Variants in OLFM2 observed in about 807,000 individuals in gnomAD.
The protein encoded by OLFM2 is olfactomedin 2.
OLFM2 carries 20 observed loss-of-function variants against 43.9 expected under a neutral mutation model. That is an observed-to-expected ratio of 0.46 (90% CI 0.32 to 0.66). The LOEUF (loss-of-function observed/expected upper bound fraction) is 0.66. OLFM2 is among the 30% of genes least tolerant of loss of function. OLFM2 has a pLI of 0.04. For missense variants in OLFM2, 416 were observed against 643.6 expected, an observed-to-expected ratio of 0.65 and a Z score of 3.83; for synonymous variants, 268 against 278.6, an observed-to-expected ratio of 0.96 and a Z score of 0.38.
At chr19:9,874,612 C>G (rs2046470508) in intron 1 of OLFM2, among the ~76,000 whole-genome samples, 2 of 152,130 alleles carry the variant, frequency 1.3e-5, no homozygotes, top group Admixed American at 6.6e-5. Context: ...TCCCAAGTAG[C>G]TGGGACTACA....
intron 1 of OLFM2, among the ~76,000 whole-genome samples, chr19:9,884,276 TAAA>T (rs4044581): frequency 0.065 from 8,475 of 130,882 alleles, 754 homozygotes; most frequent in African/African-American, 0.21. Flanking sequence ...TCTCAAAAAT[TAAA>T]AAAAAAAAAA....
rs115018567 is a variant in OLFM2 at position 9,870,198 on chromosome 19, G to T, written c.64-9404C>A. ...CCCATCTCAGCCTCCCAAAGTACTG[G>T]GATTACTGGCCTGAGTCATCACACG... On this transcript the variant is annotated intron_variant, in intron 1 of 5. Coordinates refer to ENST00000264833, the MANE Select transcript of OLFM2 (RefSeq NM_058164.4). Among the ~76,000 whole-genome samples, 634 of 152,178 alleles carry T rather than the reference G, an allele frequency of 4.2e-3. 4 individuals carry two copies. The highest frequency in any genetic ancestry group is 0.014 in the African/African-American group (585 of 41,532).
intron 1 of OLFM2, among the ~76,000 whole-genome samples, chr19:9,925,178 G>C (rs2086445385): frequency 6.6e-6 from 1 of 152,026 alleles, no homozygotes; most frequent in Non-Finnish European, 1.5e-5. Flanking sequence ...AATGGCTTGA[G>C]TCCGGAAGGC....
At chr19:9,915,277 A>G (rs1376184163) in intron 1 of OLFM2, among the ~76,000 whole-genome samples, 1 of 133,340 alleles carries the variant, frequency 7.5e-6, no homozygotes, top group Admixed American at 7.7e-5. Context: ...GCATCTCGCT[A>G]TGTTGCCCAG....
In OLFM2 at chr19:9,857,956, C is replaced by T; in HGVS notation, c.214-95G>A. ...AGAGCTGGCAGGAACAGAGGCTGTA[C>T]AAACACCACACCGACGAGGCCACCT... On this transcript the variant is annotated intron_variant, in intron 2 of 5. Transcript: ENST00000264833. The surrounding 1 kb of genome is among the most constrained non-coding windows in gnomAD (Gnocchi z 5.7). 1 of 1,514,266 alleles carries T rather than the reference C, an allele frequency of 6.6e-7. No individual in the cohort carries two copies. The highest frequency in any genetic ancestry group is 9.1e-7 in the Non-Finnish European group (1 of 1,097,226). The allele number at this position is 1,514,266 out of a possible 1,614,324, so 93.8% of individuals were successfully genotyped here.
At chr19:9,864,440 A>G (rs973367800) in intron 1 of OLFM2, among the ~76,000 whole-genome samples, 12 of 152,036 alleles carry the variant, frequency 7.9e-5, no homozygotes, top group African/African-American at 2.9e-4. Flanking sequence ...AGCTAGGATT[A>G]CAATCACCCA....
intron 2 of OLFM2, among the ~76,000 whole-genome samples, chr19:9,858,598 C>T (rs1435341920): frequency 2.0e-5 from 3 of 152,198 alleles, no homozygotes; most frequent in Non-Finnish European, 4.4e-5. Flanking sequence ...GGAGTAGAGG[C>T]CCAATAAGTA....
intron 1 of OLFM2, among the ~76,000 whole-genome samples, chr19:9,893,466 A>G (rs1276421899): frequency 1.3e-5 from 2 of 152,098 alleles, no homozygotes; most frequent in Non-Finnish European, 2.9e-5. Context: ...CACCCGGCCA[A>G]TCATGGAGCA....
chr19:9,921,904 G>C (rs2086424048), intron 1 of OLFM2, among the ~76,000 whole-genome samples: 1 of 152,058 alleles, frequency 6.6e-6, no homozygotes, highest in Non-Finnish European at 1.5e-5. Context: ...GACCAGCCTG[G>C]GCAACACGGT....
intron 1 of OLFM2, among the ~76,000 whole-genome samples, chr19:9,906,263 C>T (rs955471664): frequency 6.6e-6 from 1 of 152,088 alleles, no homozygotes; most frequent in Non-Finnish European, 1.5e-5. Flanking sequence ...GCCATCCACT[C>T]ATTGGCTGGT....
chr19:9,863,785 T>C (rs2046381148), intron 1 of OLFM2, among the ~76,000 whole-genome samples: 1 of 152,146 alleles, frequency 6.6e-6, no homozygotes, highest in Non-Finnish European at 1.5e-5. Context: ...AATGATATAA[T>C]TGTACAAATT....
intron 1 of OLFM2, among the ~76,000 whole-genome samples, chr19:9,934,165 G>C (rs993310437): frequency 1.3e-5 from 2 of 152,194 alleles, no homozygotes; most frequent in African/African-American, 4.8e-5. Flanking sequence ...CATCCTCTCT[G>C]CAGACCCCTC....
chr19:9,913,444 A>ACGCCCCCCGGGAG (rs2046845773), intron 1 of OLFM2: 3 of 1,021,068 alleles, frequency 2.9e-6, no homozygotes, highest in African/African-American at 1.7e-5. Context: ...CGCGGGTACC[A>ACGCCCCCCGGGAG]CGCCCCCCGG....
At chr19:9,902,793 C>A (rs1170366462) in intron 1 of OLFM2, among the ~76,000 whole-genome samples, 1 of 151,996 alleles carries the variant, frequency 6.6e-6, no homozygotes, top group Non-Finnish European at 1.5e-5. Flanking sequence ...GGAGCCTCGA[C>A]TTCCTGAGTA....
Position 9,872,229 on chromosome 19 carries a change from C to T in OLFM2, c.64-11435G>A, listed in dbSNP as rs2046448336. The stretch of plus-strand genomic sequence containing the variant: ...GCTTGACAGGCCTTAAAGAAGATAT[C>T]AGCCAGGCGCTGTGGCTCATGCTTG... On this transcript the variant is annotated intron_variant, in intron 1 of 5. Transcript: ENST00000264833. Among the ~76,000 whole-genome samples the T allele has an allele frequency of 3.3e-5, 5 of 152,188 alleles. No individual in the cohort carries two copies. The South Asian group carries it at 1.0e-3, about 32-fold the overall frequency.
chr19:9,936,083 C>A (rs1027481432), intron 1 of OLFM2, among the ~76,000 whole-genome samples: 1 of 151,824 alleles, frequency 6.6e-6, no homozygotes, highest in Non-Finnish European at 1.5e-5. Flanking sequence ...ACGCCACCCC[C>A]CAAACCAGCC....
chr19:9,879,613 T>C (rs1185844787), intron 1 of OLFM2, among the ~76,000 whole-genome samples: 28 of 151,942 alleles, frequency 1.8e-4, no homozygotes. Flanking sequence ...ACCTCTTTTA[T>C]TTATAAATTA....
chr19:9,918,114 A>G (rs1012471715), intron 1 of OLFM2, among the ~76,000 whole-genome samples: 16 of 152,000 alleles, frequency 1.1e-4, no homozygotes, highest in African/African-American at 3.9e-4. Flanking sequence ...CCTGACCTCT[A>G]GAGATCCACC....
At chr19:9,902,084 A>G (rs2046745043) in intron 1 of OLFM2, among the ~76,000 whole-genome samples, 1 of 151,912 alleles carries the variant, frequency 6.6e-6, no homozygotes, top group Non-Finnish European at 1.5e-5. Context: ...GCTGGAGTGC[A>G]GTGGCGTGAT....
Sources: gnomAD v4.1 joint callset for allele counts (sites outside exome capture counted in the v4.1 genomes callset) on GRCh38, gnomAD v4.1.1 for gene constraint, Gnocchi (gnomAD v3.1) non-coding constraint, MANE v1.5 for transcripts, NCBI Gene and HGNC (gene_info 2026-07-23, HGNC 2026-07-21) for gene names.